The following CNIH3 variants were observed in gnomAD, a reference collection of about 807,000 sequenced individuals.
CNIH3 encodes cornichon family AMPA receptor auxiliary protein 3, also known as protein cornichon homolog 3.
CNIH3 carries 14 observed loss-of-function variants against 24.1 expected under a neutral mutation model. The ratio of observed to expected loss-of-function variants is 0.58; its 90% CI spans 0.38 to 0.91. CNIH3 has a LOEUF of 0.91. Ranked by LOEUF, CNIH3 falls within the 40% of genes least tolerant of loss-of-function variation. CNIH3 has a pLI of 0.00. For missense variants in CNIH3, 178 were observed against 196.8 expected (o/e 0.90, Z 0.57); for synonymous variants, 68 against 73.8 (o/e 0.92, Z 0.40).
intron 1 of CNIH3, among the ~76,000 whole-genome samples, chr1:224,676,191 G>A (rs1686131488): frequency 6.6e-6 from 1 of 152,234 alleles, no homozygotes; most frequent in Non-Finnish European, 1.5e-5. Context: ...AGGCAACAGT[G>A]TGGCTTAAAC....
chr1:224,543,409 A>G (rs1442424453), intron 2 of CNIH3, among the ~76,000 whole-genome samples: 1 of 152,196 alleles, frequency 6.6e-6, no homozygotes, highest in Non-Finnish European at 1.5e-5. Context: ...TCTGTGAGTC[A>G]TTCTAACAAT....
chr1:224,606,842 G>C (rs1266744213), intron 3 of CNIH3, among the ~76,000 whole-genome samples: 1 of 152,152 alleles, frequency 6.6e-6, no homozygotes, highest in Non-Finnish European at 1.5e-5. Flanking sequence ...GACCAATGGT[G>C]GAGGGAGGTG....
At chr1:224,526,632 A>G (rs1164453197) in intron 2 of CNIH3, among the ~76,000 whole-genome samples, 1 of 152,198 alleles carries the variant, frequency 6.6e-6, no homozygotes, top group Admixed American at 6.5e-5. Context: ...TCCATTGAGA[A>G]ATAAATTTTT....
At chr1:224,609,567 A>G (rs1013739421) in intron 3 of CNIH3, among the ~76,000 whole-genome samples, 5 of 152,224 alleles carry the variant, frequency 3.3e-5, no homozygotes, top group African/African-American at 1.2e-4. Flanking sequence ...GGGAAGCAAG[A>G]GAGTAACTTG....
intron 2 of CNIH3, among the ~76,000 whole-genome samples, chr1:224,523,612 C>T (rs1678727621): frequency 6.6e-6 from 1 of 152,122 alleles, no homozygotes. Flanking sequence ...ATTTCTCAAC[C>T]TGGCGATGGT....
chr1:224,574,738 TG>T, intron 4 of CNIH3: 1 of 1,193,166 alleles, frequency 8.4e-7, no homozygotes, highest in Admixed American at 1.7e-5. Flanking sequence ...GACCTGAAGC[TG>T]GACTACCTGG....
chr1:224,444,734 T>C (rs1675074145), intron 1 of CNIH3, among the ~76,000 whole-genome samples: 1 of 151,992 alleles, frequency 6.6e-6, no homozygotes, highest in South Asian at 2.1e-4. Flanking sequence ...AACCTTCGAC[T>C]CCCGGGTTCA....
Position 224,463,790 on chromosome 1 carries a change from T to A in CNIH3, n.203+28928T>A, listed in dbSNP as rs1360701084. ...TTGTCCTCATTTTTTTTTTTTTTTT[T>A]TTTTTTTTTTTTTTTTTTTAGAGGG... On this transcript the variant is annotated intron_variant and non_coding_transcript_variant, in intron 1 of 5. Coordinates refer to the CNIH3 transcript ENST00000471578. Among the ~76,000 whole-genome samples the A allele has an allele frequency of 5.7e-5, 7 of 121,796 alleles. 1 individual carries two copies. The highest frequency in any genetic ancestry group is 8.2e-5 in the Admixed American group (1 of 12,132). The allele number at this position is 121,796 out of a possible 152,430, so 79.9% of individuals were successfully genotyped here.
At chr1:224,620,303 A>G (rs1443249365) in intron 1 of CNIH3, among the ~76,000 whole-genome samples, 2 of 152,222 alleles carry the variant, frequency 1.3e-5, no homozygotes, top group African/African-American at 4.8e-5. Flanking sequence ...GAGAGATTAC[A>G]AGGTTGCCTA....
chr1:224,604,473 C>A lies in CNIH3; in HGVS notation n.402+38209C>A, dbSNP rs1682330780. On this transcript the variant is annotated intron_variant and non_coding_transcript_variant, in intron 3 of 7. Coordinates refer to the CNIH3 transcript ENST00000478120. The surrounding 1 kb of genome is among the most constrained non-coding windows in gnomAD (Gnocchi z 4.4). ...GAAGTGAGAAGCAGCTTCCTGTGGA[C>A]TGGACAGAGGCTGAGATGGAGCCTC... 1.3e-5 allele frequency among the ~76,000 whole-genome samples: 2 copies of A among 149,686 alleles called. No homozygotes were observed. The highest frequency in any genetic ancestry group is 2.6e-5 in the African/African-American group (1 of 39,062).
chr1:224,716,278 A>T (rs962559628), intron 3 of CNIH3, among the ~76,000 whole-genome samples: 1 of 152,092 alleles, frequency 6.6e-6, no homozygotes, highest in South Asian at 2.1e-4. Context: ...CCAGACTCCA[A>T]ACTCTCACCA....
At chr1:224,643,838 G>A (rs1302963151) in intron 1 of CNIH3, among the ~76,000 whole-genome samples, 1 of 152,194 alleles carries the variant, frequency 6.6e-6, no homozygotes, top group African/African-American at 2.4e-5. Flanking sequence ...AACTTCTGAG[G>A]CTCCACCCCA....
At chr1:224,707,184 G>A (rs1687866508) in intron 3 of CNIH3, among the ~76,000 whole-genome samples, 1 of 151,952 alleles carries the variant, frequency 6.6e-6, no homozygotes, top group East Asian at 1.9e-4. Context: ...GGCTGATCTC[G>A]AACTCCTGAC....
At chr1:224,471,755 A>T (rs985261273) in intron 1 of CNIH3, among the ~76,000 whole-genome samples, 2 of 151,780 alleles carry the variant, frequency 1.3e-5, no homozygotes, top group Non-Finnish European at 2.9e-5. Context: ...ATGCCTGGCT[A>T]ATTTTTTTGT....
chr1:224,523,052 T>C lies in CNIH3; in HGVS notation n.343+1725T>C, dbSNP rs368288725. ...GAATTCGAGACCAGCCTGGGCAACA[T>C]AGGAAGACTCCATCTCTACAAAAAA... is the stretch of plus-strand genomic sequence containing the variant. On this transcript the variant is annotated intron_variant and non_coding_transcript_variant, in intron 2 of 2. Transcript: ENST00000470602. Among the ~76,000 whole-genome samples, 28 of 152,132 alleles carry C rather than the reference T, an allele frequency of 1.8e-4. No individual in the cohort carries two copies. In the East Asian group the frequency reaches 3.9e-3, roughly 21 times the overall value.
intron 4 of CNIH3, among the ~76,000 whole-genome samples, chr1:224,573,998 A>T (rs1210688532): frequency 1.3e-5 from 2 of 152,186 alleles, no homozygotes; most frequent in Non-Finnish European, 2.9e-5. Flanking sequence ...TCCTGGGCTC[A>T]AGGATCCTCC....
intron 1 of CNIH3, among the ~76,000 whole-genome samples, chr1:224,474,245 TC>T (rs931829760): frequency 9.9e-5 from 15 of 151,826 alleles, no homozygotes; most frequent in Non-Finnish European, 1.9e-4. Flanking sequence ...ATGCCTGTAG[TC>T]CCAGCTACTT....
chr1:224,479,982 C>A (rs1676742599), intron 1 of CNIH3, among the ~76,000 whole-genome samples: 1 of 152,156 alleles, frequency 6.6e-6, no homozygotes, highest in African/African-American at 2.4e-5. Flanking sequence ...GGCTTCGACC[C>A]CACATTTCCC....
At chr1:224,692,917 A>G (rs753263062) in intron 3 of CNIH3, among the ~76,000 whole-genome samples, 1 of 152,222 alleles carries the variant, frequency 6.6e-6, no homozygotes, top group Non-Finnish European at 1.5e-5. Flanking sequence ...CCGAAACCAC[A>G]TAGGGCCTCA....
Sources: gnomAD v4.1 joint callset for allele counts (sites outside exome capture counted in the v4.1 genomes callset) on GRCh38, gnomAD v4.1.1 for gene constraint, Gnocchi (gnomAD v3.1) non-coding constraint, MANE v1.5 for transcripts, NCBI Gene and HGNC (gene_info 2026-07-23, HGNC 2026-07-21) for gene names.